The following NUMA1 variants were observed in gnomAD, a reference collection of about 807,000 sequenced individuals.
The protein encoded by NUMA1 is SP-H antigen.
In NUMA1, 62 loss-of-function variants were observed where a neutral mutation model predicts 237.1. The ratio of observed to expected loss-of-function variants is 0.26; its 90% CI spans 0.21 to 0.32. NUMA1 has a LOEUF of 0.32. Ranked by LOEUF, NUMA1 falls within the 10% of genes least tolerant of loss-of-function variation. NUMA1 has a pLI of 1.00. For synonymous variants in NUMA1, 1,028 were observed against 1,066.1 expected (o/e 0.96, Z 0.70); for missense variants, 2,533 against 2,666.5 (o/e 0.95, Z 1.10).
chr11:72,046,210 T>C (rs1941987643), intron 2 of NUMA1, among the ~76,000 whole-genome samples: 1 of 152,224 alleles, frequency 6.6e-6, no homozygotes, highest in South Asian at 2.1e-4. Context: ...TGATTCTTAC[T>C]GTCCTCAGAA....
intron 21 of NUMA1, among the ~76,000 whole-genome samples, chr11:72,006,791 T>G (rs1483452425): frequency 1.3e-5 from 2 of 151,786 alleles, no homozygotes; most frequent in African/African-American, 4.8e-5. Context: ...CTCCCAAACC[T>G]CCCCTTCAAG....
At chr11:72,039,044 C>G (rs1040572619) in intron 2 of NUMA1, among the ~76,000 whole-genome samples, 3 of 152,192 alleles carry the variant, frequency 2.0e-5, no homozygotes, top group South Asian at 2.1e-4. Flanking sequence ...GCAGCTCCCC[C>G]ACATCAGGAC....
At chr11:72,076,316 G>A (rs1943705792) in intron 1 of NUMA1, among the ~76,000 whole-genome samples, 1 of 152,194 alleles carries the variant, frequency 6.6e-6, no homozygotes, top group African/African-American at 2.4e-5. Flanking sequence ...AGAGGTTGCA[G>A]TGAGCCAAGA....
chr11:72,067,136 G>A (rs1943236772), intron 2 of NUMA1: 1 of 152,242 alleles, frequency 6.6e-6, no homozygotes, highest in Non-Finnish European at 1.5e-5. Flanking sequence ...TCTTCTTAGT[G>A]AGCTTGCTAG....
chr11:72,040,500 ACACACACACACT>A (rs1201898907), intron 2 of NUMA1: 15 of 85,736 alleles, frequency 1.7e-4, no homozygotes, highest in Non-Finnish European at 3.4e-4. Flanking sequence ...ACACACACAC[ACACACACACACT>A]GACCTGGGCC....
intron 1 of NUMA1, among the ~76,000 whole-genome samples, chr11:72,075,023 G>C (rs1360037221): frequency 7.0e-6 from 1 of 142,404 alleles, no homozygotes; most frequent in African/African-American, 3.0e-5. Flanking sequence ...GACAGAGTGA[G>C]ACTCCATCTC....
chr11:72,009,105 C>A lies in NUMA1; in HGVS notation c.4920G>T (p.Gln1640His). 1 of 1,613,114 alleles carries A rather than the reference C, an allele frequency of 6.2e-7. No individual in the cohort carries two copies. The highest frequency in any genetic ancestry group is 8.5e-7 in the Non-Finnish European group (1 of 1,179,924). The change falls in exon 19 of 27, where the codon CAG (glutamine) becomes CAT (histidine). Residue 1640 changes from glutamine to histidine, a missense_variant. Gln to His is a conservative substitution (Grantham distance 24, BLOSUM62 0). This residue lies in a region of NUMA1 where 795 missense variants were observed against 750.8 expected (regional missense o/e 1.06). Coordinates refer to ENST00000393695, the MANE Select transcript of NUMA1 (RefSeq NM_006185.4). ...GCAGCTCTTTGTTTTCCTTCTGCAGCTGCTCCAGGCTCCGCAGCTGCTCCT... is the reference window on the plus strand; with the variant it reads ...GCAGCTCTTTGTTTTCCTTCTGCAGATGCTCCAGGCTCCGCAGCTGCTCCT... Reference protein sequence around the residue: ...ELQEQLRSLEQLQKENKELRA... With the variant: ...ELQEQLRSLEHLQKENKELRA...
chr11:72,068,909 A>C (rs942019377), intron 2 of NUMA1, among the ~76,000 whole-genome samples: 33 of 152,154 alleles, frequency 2.2e-4, no homozygotes, highest in African/African-American at 7.7e-4. Context: ...TTCACCAAAA[A>C]AGGTATTGCC....
intron 3 of NUMA1, among the ~76,000 whole-genome samples, chr11:72,031,359 A>C: frequency 6.6e-6 from 1 of 152,296 alleles, no homozygotes; most frequent in South Asian, 2.1e-4. Flanking sequence ...ATAAAATTAA[A>C]ATAATGAAGT....
chr11:72,039,229 C>T (rs776177265), intron 2 of NUMA1, among the ~76,000 whole-genome samples: 62 of 152,334 alleles, frequency 4.1e-4, no homozygotes, highest in South Asian at 1.0e-3. Flanking sequence ...CCTGCTCAGA[C>T]ACAAGAAGCA....
intron 2 of NUMA1, among the ~76,000 whole-genome samples, chr11:72,046,452 G>A (rs1942003204): frequency 6.6e-6 from 1 of 152,174 alleles, no homozygotes; most frequent in South Asian, 2.1e-4. Flanking sequence ...GCTGAGGCAG[G>A]AGAATTGCTT....
intron 8 of NUMA1, chr11:72,020,569 A>G (rs550644256): frequency 2.0e-5 from 3 of 152,328 alleles, no homozygotes; most frequent in African/African-American, 7.2e-5. Context: ...ATGACGGGAA[A>G]AACATTTTTT....
intron 4 of NUMA1, chr11:72,024,579 A>G (rs905167022): frequency 1.8e-6 from 1 of 541,388 alleles, no homozygotes. Context: ...GTTCTTCTGG[A>G]AAAGATGGCA....
At chr11:72,067,809 C>T (rs993608575) in intron 2 of NUMA1, 1 of 152,186 alleles carries the variant, frequency 6.6e-6, no homozygotes, top group East Asian at 1.9e-4. Flanking sequence ...AATGATTATA[C>T]AGTAACTTAG....
Position 72,003,422 on chromosome 11 carries a change from G to A in NUMA1, c.*105C>T, listed in dbSNP as rs749157724. ...CACTGTCTCTAGGGGTTTGGCTACT[G>A]TTGGCCTGGGAGCTGAGAGAAGGCA... On this transcript the variant is annotated 3_prime_UTR_variant, in exon 27 of 27. Transcript: ENST00000393695. The A allele has an allele frequency of 1.7e-6, 2 of 1,148,084 alleles. No individual in the cohort carries two copies. The highest frequency in any genetic ancestry group is 2.6e-6 in the Non-Finnish European group (2 of 755,638). 71.1% of individuals were successfully genotyped at this position (1,148,084 alleles called of 1,614,324 possible).
intron 3 of NUMA1, among the ~76,000 whole-genome samples, chr11:72,030,949 G>A (rs1233387069): frequency 6.6e-6 from 1 of 152,080 alleles, no homozygotes; most frequent in Non-Finnish European, 1.5e-5. Flanking sequence ...TACTTCAAAG[G>A]ACCAGTGTGA....
intron 17 of NUMA1, 106 bp downstream of exon 17, chr11:72,010,680 T>C: frequency 9.2e-7 from 1 of 1,087,734 alleles, no homozygotes; most frequent in Non-Finnish European, 1.3e-6. Flanking sequence ...CTACCTGGAA[T>C]GCAGGGTGCC....
intron 1 of NUMA1, among the ~76,000 whole-genome samples, chr11:72,077,620 A>G (rs1943771231): frequency 6.6e-6 from 1 of 151,984 alleles, no homozygotes. Context: ...CGAGACCATC[A>G]TGGCTAACAC....
rs775751667 is a variant in NUMA1 at position 72,015,648 on chromosome 11, T to A, written c.1855A>T (p.Ile619Phe). 11 of 1,613,816 alleles carry A rather than the reference T, an allele frequency of 6.8e-6. No homozygotes were observed. The highest frequency in any genetic ancestry group is 5.1e-6 in the Non-Finnish European group (6 of 1,180,020). ...GCCACCTGAAGTTGCTGCTGCAGAA[T>A]CTCCAGCTTGGCAGCCTTCTCCTTC... Reference protein sequence around the residue: ...LEKEKAAKLEILQQQLQVANE... With the variant: ...LEKEKAAKLEFLQQQLQVANE... The change falls in exon 15 of 27, where the codon ATT becomes TTT. Residue 619 changes from isoleucine to phenylalanine, a missense_variant. Coordinates refer to ENST00000393695, the MANE Select transcript of NUMA1 (RefSeq NM_006185.4). The surrounding 1 kb of genome is among the most constrained non-coding windows in gnomAD (Gnocchi z 4.0).
Sources: gnomAD v4.1 joint callset for allele counts (sites outside exome capture counted in the v4.1 genomes callset) on GRCh38, gnomAD v4.1.1 for gene constraint, gnomAD v4.1.1 regional missense constraint, Gnocchi (gnomAD v3.1) non-coding constraint, MANE v1.5 for transcripts, NCBI Gene and HGNC (gene_info 2026-07-23, HGNC 2026-07-21) for gene names.